The following FGD5 variants were observed in gnomAD, a reference collection of about 807,000 sequenced individuals.
FGD5 encodes FYVE, RhoGEF and PH domain-containing protein 5.
A neutral mutation model predicts 133.4 loss-of-function variants in FGD5; 28 were observed. The ratio of observed to expected loss-of-function variants is 0.21; its 90% CI spans 0.16 to 0.29. The LOEUF is 0.29. Ranked by LOEUF, FGD5 falls within the 10% of genes least tolerant of loss-of-function variation. The pLI, the probability that FGD5 is intolerant of heterozygous loss-of-function variation, is 1.00. For synonymous variants in FGD5, 810 were observed against 776.5 expected (o/e 1.04, Z -0.72); for missense variants, 1,858 against 1,895.2 (o/e 0.98, Z 0.36).
In FGD5 at chr3:14,917,768, A is replaced by G. The variant is rs2038587785; in HGVS notation, c.3489+436A>G. ...TGCTGTGTATCCAGCACCACCATCCATCTCAGAACTCTTTCCTCTCCCCAG... is the reference window on the plus strand; with the variant it reads ...TGCTGTGTATCCAGCACCACCATCCGTCTCAGAACTCTTTCCTCTCCCCAG... On this transcript the variant is annotated intron_variant, in intron 12 of 19. Transcript: ENST00000285046. This position sits in a 1 kb window ranked among gnomAD's most constrained non-coding sequence, Gnocchi z 4.1. Among the ~76,000 whole-genome samples the G allele has an allele frequency of 2.0e-5, 3 of 152,184 alleles. No individual in the cohort carries two copies. The South Asian group carries it at 6.2e-4, about 32-fold the overall frequency.
chr3:14,877,604 G>C (rs892840661), intron 2 of FGD5, among the ~76,000 whole-genome samples: 2 of 152,210 alleles, frequency 1.3e-5, no homozygotes, highest in Admixed American at 1.3e-4. Context: ...GGCCTTGTTT[G>C]GGGGAGGATC....
intron 4 of FGD5, among the ~76,000 whole-genome samples, chr3:14,889,747 T>G (rs1468490987): frequency 2.0e-5 from 3 of 152,186 alleles, no homozygotes; most frequent in African/African-American, 7.2e-5. Flanking sequence ...CTGCTGATTG[T>G]GTAGTGGTGT....
chr3:14,858,232 A>G (rs1281751591), intron 1 of FGD5, among the ~76,000 whole-genome samples: 1 of 152,102 alleles, frequency 6.6e-6, no homozygotes, highest in African/African-American at 2.4e-5. Flanking sequence ...AAGCTGAGCC[A>G]TATTTGGTGA....
chr3:14,833,381 T>G (rs1300614083), intron 1 of FGD5, among the ~76,000 whole-genome samples: 2 of 152,178 alleles, frequency 1.3e-5, no homozygotes, highest in Non-Finnish European at 2.9e-5. Context: ...GGCTTTCTTG[T>G]AAGATTTTAA....
At chr3:14,853,063 TCC>T (rs1439757117) in intron 1 of FGD5, among the ~76,000 whole-genome samples, 1 of 140,272 alleles carries the variant, frequency 7.1e-6, no homozygotes, top group Non-Finnish European at 1.5e-5. Context: ...TCCTGAGGAA[TCC>T]AGGACCCCCA....
chr3:14,816,385 A>G (rs1228475650), upstream of FGD5, among the ~76,000 whole-genome samples: 3 of 152,236 alleles, frequency 2.0e-5, no homozygotes, highest in Non-Finnish European at 2.9e-5. Flanking sequence ...CAACCAAGGG[A>G]AGATCTGGGG....
At position 14,819,231 on chromosome 3, in the gene FGD5, C is replaced by T; in HGVS notation, c.160C>T (p.Pro54Ser). Residue 54 changes from proline (P) to serine (S), a missense_variant, in exon 1 of 20, where the codon CCA becomes TCA. Coordinates refer to ENST00000285046, the MANE Select transcript of FGD5 (RefSeq NM_152536.4). This position sits in a 1 kb window ranked among gnomAD's most constrained non-coding sequence, Gnocchi z 4.1. ...RGLDEGPRSIPKCSESETDED... is the reference protein window; with the variant it reads ...RGLDEGPRSISKCSESETDED... ...GCTTGATGAGGGGCCCCGGTCCATC[C>T]CAAAGTGCTCTGAGTCGGAGACCGA... The T allele has an allele frequency of 1.9e-6, 3 of 1,545,800 alleles. No homozygotes were observed. Among genetic ancestry groups the T allele is most frequent in the Admixed American group, 4.0e-5 (2 of 50,022 alleles).
intron 1 of FGD5, among the ~76,000 whole-genome samples, chr3:14,861,904 A>C (rs1297055555): frequency 1.3e-5 from 2 of 152,076 alleles, no homozygotes; most frequent in African/African-American, 4.8e-5. Flanking sequence ...GGGTTTTGAG[A>C]TGGTCATTAT....
At chr3:14,884,910 G>A (rs1238242425) in intron 4 of FGD5, among the ~76,000 whole-genome samples, 1 of 152,022 alleles carries the variant, frequency 6.6e-6, no homozygotes, top group African/African-American at 2.4e-5. Context: ...GTTTGCTGGA[G>A]GCATTCACTC....
chr3:14,897,539 G>A lies in FGD5; in HGVS notation c.2779G>A (p.Asp927Asn). Residue 927 changes from aspartate (D) to asparagine (N), a missense_variant, in exon 5 of 20, where the codon GAT (aspartate) becomes AAT (asparagine). Physicochemically the swap from Asp to Asn is conservative, Grantham distance 23 (BLOSUM62 1). Coordinates refer to ENST00000285046, the MANE Select transcript of FGD5 (RefSeq NM_152536.4). ...CCATGGAGCTGTCATGAGGGCCTTGGATGACATGGACCATGAAGGCAGAGA... is the reference window on the plus strand; with the variant it reads ...CCATGGAGCTGTCATGAGGGCCTTGAATGACATGGACCATGAAGGCAGAGA... The part of the protein sequence containing the change: ...DFHGAVMRAL[D>N]DMDHEGRDTL... The A allele has an allele frequency of 1.2e-6, 2 of 1,606,082 alleles. No individual in the cohort carries two copies. The highest frequency in any genetic ancestry group is 1.7e-6 in the Non-Finnish European group (2 of 1,176,346).
intron 18 of FGD5, among the ~76,000 whole-genome samples, chr3:14,929,923 A>G (rs1161831955): frequency 6.6e-6 from 1 of 152,186 alleles, no homozygotes; most frequent in African/African-American, 2.4e-5. Context: ...GTGCTAAGGC[A>G]TTTTTGTCTA....
At chr3:14,836,819 C>A (rs1315147326) in intron 1 of FGD5, among the ~76,000 whole-genome samples, 1 of 152,168 alleles carries the variant, frequency 6.6e-6, no homozygotes, top group Admixed American at 6.5e-5. Context: ...TCTGGCAGCA[C>A]AGAAGGAGCA....
intron 1 of FGD5, among the ~76,000 whole-genome samples, chr3:14,826,036 A>G (rs748860892): frequency 1.6e-4 from 25 of 152,200 alleles, no homozygotes; most frequent in Non-Finnish European, 3.2e-4. Context: ...CTTGTCCTAA[A>G]TATCTCATTT....
At chr3:14,884,006 G>A (rs1199321767) in intron 4 of FGD5, among the ~76,000 whole-genome samples, 1 of 152,192 alleles carries the variant, frequency 6.6e-6, no homozygotes, top group Non-Finnish European at 1.5e-5. Flanking sequence ...ATTGCACATG[G>A]TTAGAACATA....
chr3:14,821,670 G>A, intron 1 of FGD5, 74 bp downstream of exon 1: 1 of 1,446,066 alleles, frequency 6.9e-7, no homozygotes, highest in Non-Finnish European at 9.1e-7. Context: ...GTGGGGGACA[G>A]ATGGACTTGC....
At chr3:14,826,174 T>C (rs1185623063) in intron 1 of FGD5, among the ~76,000 whole-genome samples, 1 of 152,144 alleles carries the variant, frequency 6.6e-6, no homozygotes, top group African/African-American at 2.4e-5. Context: ...AGAGTTTTAG[T>C]GTGAACACCC....
In FGD5 at chr3:14,933,819, G is replaced by A. The variant is rs907965954; in HGVS notation, c.*652G>A. ...GCACACATCACTTTAGAGGGGCTGC[G>A]CCCCACCAGATAGGAAGGGGAGGAT... On this transcript the variant is annotated 3_prime_UTR_variant, in exon 20 of 20. Coordinates refer to ENST00000285046, the MANE Select transcript of FGD5 (RefSeq NM_152536.4). The A allele has an allele frequency of 1.4e-4, 22 of 153,048 alleles. No individual in the cohort carries two copies. The highest frequency in any genetic ancestry group is 1.0e-3 in the Admixed American group (16 of 15,320). 9.5% of individuals were successfully genotyped at this position (153,048 alleles called of 1,614,324 possible).
At chr3:14,895,893 G>T (rs1898040) in intron 4 of FGD5, among the ~76,000 whole-genome samples, 107,276 of 151,968 alleles carry the variant, frequency 0.71, 37,973 homozygotes, top group Non-Finnish European at 0.73. Context: ...AGCTGAAGAC[G>T]CCACCAAGAA....
intron 1 of FGD5, among the ~76,000 whole-genome samples, chr3:14,827,880 A>C (rs967362265): frequency 3.9e-5 from 6 of 152,278 alleles, no homozygotes; most frequent in African/African-American, 1.4e-4. Flanking sequence ...GCAGCAGCTC[A>C]TGAGTGCTTG....
Sources: gnomAD v4.1 joint callset for allele counts (sites outside exome capture counted in the v4.1 genomes callset) on GRCh38, gnomAD v4.1.1 for gene constraint, Gnocchi (gnomAD v3.1) non-coding constraint, MANE v1.5 for transcripts, NCBI Gene and HGNC (gene_info 2026-07-23, HGNC 2026-07-21) for gene names.